LIPA: variants seen among roughly 807,000 people sequenced by gnomAD.
The protein encoded by LIPA is lipase A, lysosomal acid type.
In LIPA, 26 loss-of-function variants were observed where a neutral mutation model predicts 40.6. The observed-to-expected ratio is 0.64, with a 90% CI of 0.47 to 0.89. The LOEUF (loss-of-function observed/expected upper bound fraction) is 0.89. Among genes scored for constraint, LIPA ranks in the 40% least tolerant of loss-of-function variants. LIPA has a pLI of 0.00. For synonymous variants in LIPA, 188 were observed against 168.4 expected, an observed-to-expected ratio of 1.12 and a Z score of -0.90; for missense variants, 455 against 479.6, an observed-to-expected ratio of 0.95 and a Z score of 0.48.
At chr10:89,384,007 C>G (rs760243271) in intron 2 of LIPA, 3 of 1,614,058 alleles carry the variant, frequency 1.9e-6, no homozygotes, top group East Asian at 2.2e-5. Context: ...GGATGAAGGA[C>G]AGGAAGCTGA....
intron 3 of LIPA, among the ~76,000 whole-genome samples, chr10:89,243,734 A>G (rs1355418780): frequency 6.6e-6 from 1 of 152,138 alleles, no homozygotes; most frequent in Non-Finnish European, 1.5e-5. Context: ...AGGGCACTGC[A>G]CCTTCCCCTG....
chr10:89,275,398 GCTGA>G (rs1246496227), intron 1 of LIPA, among the ~76,000 whole-genome samples: 2 of 152,196 alleles, frequency 1.3e-5, no homozygotes, highest in African/African-American at 2.4e-5. Context: ...GGCAGTGAGA[GCTGA>G]CTTGGGTTCT....
chr10:89,386,461 T>A (rs1844210993), intron 2 of LIPA, among the ~76,000 whole-genome samples: 1 of 152,180 alleles, frequency 6.6e-6, no homozygotes, highest in Non-Finnish European at 1.5e-5. Context: ...TACTATTGAC[T>A]TTTCCCTGTA....
At chr10:89,328,697 A>G (rs948524581) in intron 1 of LIPA, among the ~76,000 whole-genome samples, 8 of 152,354 alleles carry the variant, frequency 5.3e-5, no homozygotes, top group African/African-American at 1.7e-4. Flanking sequence ...AAACAAACCC[A>G]AAGCTTAGCA....
chr10:89,264,865 T>C (rs1432675264), intron 1 of LIPA, among the ~76,000 whole-genome samples: 3 of 152,204 alleles, frequency 2.0e-5, no homozygotes, highest in African/African-American at 7.2e-5. Flanking sequence ...TGCCCCTTTC[T>C]GCCCAGGGGC....
At chr10:89,361,289 A>T (rs1445188754) in intron 2 of LIPA, among the ~76,000 whole-genome samples, 1 of 152,222 alleles carries the variant, frequency 6.6e-6, no homozygotes, top group Non-Finnish European at 1.5e-5. Context: ...ATTCTTTGTA[A>T]GAAAAAGGAG....
intron 2 of LIPA, among the ~76,000 whole-genome samples, chr10:89,377,618 T>A (rs1314642717): frequency 6.6e-6 from 1 of 152,324 alleles, no homozygotes; most frequent in Non-Finnish European, 1.5e-5. Context: ...AAATTGACAA[T>A]GACTTTCTAC....
intron 7 of LIPA, 58 bp downstream of exon 7, chr10:89,223,626 C>G (rs1842728095): frequency 7.3e-7 from 1 of 1,370,618 alleles, no homozygotes; most frequent in African/African-American, 1.4e-5. Flanking sequence ...TCATTCAACA[C>G]AAATAAGCAC....
intron 1 of LIPA, among the ~76,000 whole-genome samples, chr10:89,320,538 A>ACT: frequency 6.6e-6 from 1 of 152,342 alleles, no homozygotes; most frequent in Middle Eastern, 3.4e-3. Flanking sequence ...TTCAAGCAGA[A>ACT]CTACAAACCA....
chr10:89,372,092 C>T (rs1454001391), intron 2 of LIPA, among the ~76,000 whole-genome samples: 2 of 152,190 alleles, frequency 1.3e-5, no homozygotes, highest in Non-Finnish European at 2.9e-5. Context: ...ATAGAGGCCC[C>T]TATCACAGAA....
In LIPA at chr10:89,247,637, C is replaced by T; in HGVS notation, c.12G>A (p.Arg4=). 1 of 1,608,612 alleles carries T rather than the reference C, an allele frequency of 6.2e-7. No homozygotes were observed. The highest frequency in any genetic ancestry group is 8.5e-7 in the Non-Finnish European group (1 of 1,175,188). ...CCAAACAGACCACCAACCCCAAGAACCGCATTTTCATTCTGTATAATAAAA... is the reference window on the plus strand; with the variant it reads ...CCAAACAGACCACCAACCCCAAGAATCGCATTTTCATTCTGTATAATAAAA... MKM[R]FLGLVVCLVL... Residue 4 remains arginine, a synonymous_variant, in exon 2 of 10, where the codon CGG becomes CGA. Coordinates refer to ENST00000336233, the MANE Select transcript of LIPA (RefSeq NM_000235.4).
intron 3 of LIPA, among the ~76,000 whole-genome samples, chr10:89,238,564 C>A: frequency 6.6e-6 from 1 of 152,080 alleles, no homozygotes; most frequent in East Asian, 1.9e-4. Flanking sequence ...GTCTCCCCTT[C>A]CACTTCCTCC....
chr10:89,328,004 G>C, intron 1 of LIPA: 1 of 1,576,054 alleles, frequency 6.3e-7, no homozygotes, highest in Middle Eastern at 1.7e-4. Context: ...GAGGCAGACA[G>C]GAAGACTTCT....
At chr10:89,254,218 GC>G (rs1353127165), upstream of LIPA, among the ~76,000 whole-genome samples, 5 of 152,170 alleles carry the variant, frequency 3.3e-5, no homozygotes, top group African/African-American at 1.2e-4. Context: ...CTCCTTGAGG[GC>G]CCCACCCCTG....
In LIPA at chr10:89,223,705, A is replaced by C. The variant is rs1166307722; in HGVS notation, c.801T>G (p.Phe267Leu). 9 of 1,612,664 alleles carry C rather than the reference A, an allele frequency of 5.6e-6. No individual in the cohort carries two copies. In the African/African-American group the frequency reaches 9.3e-5, roughly 17 times the overall value. The change falls in exon 7 of 10, where the codon TTT becomes TTG. Residue 267 changes from phenylalanine to leucine, a missense_variant. Coordinates refer to ENST00000336233, the MANE Select transcript of LIPA (RefSeq NM_000235.4). ...ATACCATATTTAAATTTCTCTCATT[A>C]AATCCACACAGAAGAAAACAGAGAT... ...CGNLCFLLCG[F>L]NERNLNMSRV...
At chr10:89,408,874 T>G (rs1490105833) in intron 2 of LIPA, among the ~76,000 whole-genome samples, 1 of 152,214 alleles carries the variant, frequency 6.6e-6, no homozygotes, top group Admixed American at 6.5e-5. Context: ...AATTCCTTAC[T>G]GGTCAGCAAG....
chr10:89,392,478 C>A lies in LIPA; in HGVS notation c.61+20313G>T, dbSNP rs145558593. On this transcript the variant is annotated intron_variant, in intron 2 of 8. Transcript: ENST00000371837. ...AACAAAGTTTCATTCCCCACCCCCC[C>A]CCGTCAGCAGGAATTCCGCTAGCTT... The A allele has an allele frequency of 5.7e-3, 1,469 of 258,144 alleles. 28 individuals carry two copies. Among genetic ancestry groups the A allele is most frequent in the Non-Finnish European group, 8.3e-3 (1,178 of 141,336 alleles). 16.0% of individuals were successfully genotyped at this position (258,144 alleles called of 1,614,324 possible).
intron 1 of LIPA, among the ~76,000 whole-genome samples, chr10:89,317,804 A>C (rs1314835679): frequency 1.3e-5 from 2 of 152,184 alleles, no homozygotes; most frequent in Non-Finnish European, 2.9e-5. Flanking sequence ...AAAATGTTAA[A>C]GGCAGCCAGA....
intron 3 of LIPA, among the ~76,000 whole-genome samples, chr10:89,239,714 C>T (rs1268835132): frequency 6.6e-6 from 1 of 152,214 alleles, no homozygotes; most frequent in Non-Finnish European, 1.5e-5. Context: ...CACTGCAGAA[C>T]GTTCCAGGAC....
Sources: allele counts gnomAD v4.1 joint callset (sites outside exome capture counted in the v4.1 genomes callset), GRCh38; gene constraint gnomAD v4.1.1; transcripts MANE v1.5; gene names NCBI Gene and HGNC (gene_info 2026-07-23, HGNC 2026-07-21).